Variants in ADAMTS3 observed in about 807,000 individuals in gnomAD.
ADAMTS3 encodes ADAM metallopeptidase with thrombospondin type 1 motif 3.
In ADAMTS3, 73 loss-of-function variants were observed where a neutral mutation model predicts 129.0. The observed-to-expected ratio is 0.57, with a 90% CI of 0.47 to 0.69. The LOEUF (loss-of-function observed/expected upper bound fraction) is 0.69. Ranked by LOEUF, ADAMTS3 falls within the 30% of genes least tolerant of loss-of-function variation. ADAMTS3 has a pLI of 0.00. For missense variants in ADAMTS3, 1,457 were observed against 1,514.5 expected, an observed-to-expected ratio of 0.96 and a Z score of 0.63; for synonymous variants, 477 against 510.8, an observed-to-expected ratio of 0.93 and a Z score of 0.89.
chr4:72,469,524 C>T (rs548892624), intron 3 of ADAMTS3, among the ~76,000 whole-genome samples: 2 of 152,214 alleles, frequency 1.3e-5, no homozygotes, highest in East Asian at 3.9e-4. Context: ...CTAATAAAAT[C>T]AGTGTCCTTT....
chr4:72,406,752 T>G (rs1410483554), intron 4 of ADAMTS3, among the ~76,000 whole-genome samples: 1 of 152,174 alleles, frequency 6.6e-6, no homozygotes, highest in Non-Finnish European at 1.5e-5. Context: ...GGGTTTTTAT[T>G]CCACAATAAG....
At chr4:72,561,333 T>G (rs962345791) in intron 2 of ADAMTS3, among the ~76,000 whole-genome samples, 1 of 150,626 alleles carries the variant, frequency 6.6e-6, no homozygotes, top group Non-Finnish European at 1.5e-5. Context: ...AGCAACAGAG[T>G]GAGACTCTGT....
Position 72,303,913 on chromosome 4 carries a change from A to T in ADAMTS3, c.2424+4T>A. 8.7e-6 allele frequency: 14 copies of T among 1,613,320 alleles called. No homozygotes were observed. Among genetic ancestry groups the T allele is most frequent in the Non-Finnish European group, 1.2e-5 (14 of 1,179,510 alleles). On this transcript the variant is annotated splice_donor_region_variant and intron_variant, in intron 17 of 21. Coordinates refer to ENST00000286657, the MANE Select transcript of ADAMTS3 (RefSeq NM_014243.3). ...CTATACCATGAGCCCATAATGCCAC[A>T]TACCAAAACAATAACAGGATCATGT...
chr4:72,544,823 A>G (rs1470052262), intron 3 of ADAMTS3, among the ~76,000 whole-genome samples: 1 of 152,162 alleles, frequency 6.6e-6, no homozygotes, highest in African/African-American at 2.4e-5. Flanking sequence ...AGTACTTCCC[A>G]TGCCTCTATT....
In ADAMTS3 at chr4:72,290,819, A is replaced by G. The variant is rs1446519037; in HGVS notation, c.2931+36T>C. 6 of 1,594,746 alleles carry G rather than the reference A, an allele frequency of 3.8e-6. No individual in the cohort carries two copies. The South Asian group carries it at 6.6e-5, about 18-fold the overall frequency. ...AATATCTACACATGCTTACACACAC[A>G]CTTTACTTATGCATGCACGGAATTC... On this transcript the variant is annotated intron_variant, in intron 20 of 21. Coordinates refer to ENST00000286657, the MANE Select transcript of ADAMTS3 (RefSeq NM_014243.3).
At chr4:72,561,466 C>T (rs779204058) in intron 2 of ADAMTS3, among the ~76,000 whole-genome samples, 3 of 151,962 alleles carry the variant, frequency 2.0e-5, no homozygotes, top group African/African-American at 7.3e-5. Flanking sequence ...GACTGCATCA[C>T]TGCACTCCAG....
intron 4 of ADAMTS3, among the ~76,000 whole-genome samples, chr4:72,366,454 G>T (rs1270448478): frequency 6.6e-6 from 1 of 152,144 alleles, no homozygotes; most frequent in Non-Finnish European, 1.5e-5. Context: ...TAGAATAAAA[G>T]AGCATATCCA....
At chr4:72,381,744 C>T (rs952632314) in intron 4 of ADAMTS3, among the ~76,000 whole-genome samples, 5 of 152,048 alleles carry the variant, frequency 3.3e-5, no homozygotes, top group African/African-American at 1.2e-4. Context: ...AAGGTGGCTG[C>T]ATTTAAGCAC....
chr4:72,299,915 G>A (rs920112557), intron 17 of ADAMTS3, among the ~76,000 whole-genome samples: 8 of 151,814 alleles, frequency 5.3e-5, no homozygotes, highest in Non-Finnish European at 7.4e-5. Flanking sequence ...TTTTGTTCAG[G>A]GCAAAGCTGC....
intron 3 of ADAMTS3, among the ~76,000 whole-genome samples, chr4:72,467,845 A>G (rs1231209739): frequency 1.3e-5 from 2 of 152,106 alleles, no homozygotes; most frequent in East Asian, 3.9e-4. Flanking sequence ...CCTTGAAGAC[A>G]GAACTACTCA....
chr4:72,459,282 C>T (rs535054100), intron 3 of ADAMTS3, among the ~76,000 whole-genome samples: 4 of 151,412 alleles, frequency 2.6e-5, no homozygotes, highest in Non-Finnish European at 4.4e-5. Flanking sequence ...AGATGGCTTT[C>T]CCAGCATAGA....
chr4:72,460,809 T>C (rs1398102355), intron 3 of ADAMTS3, among the ~76,000 whole-genome samples: 1 of 151,620 alleles, frequency 6.6e-6, no homozygotes, highest in Non-Finnish European at 1.5e-5. Context: ...GTGTCACCCA[T>C]TTTCAAATTA....
At chr4:72,480,601 C>T (rs1164445102) in intron 3 of ADAMTS3, among the ~76,000 whole-genome samples, 12 of 151,388 alleles carry the variant, frequency 7.9e-5, no homozygotes, top group African/African-American at 1.5e-4. Context: ...TGCTAAATGA[C>T]GAGTTAATGG....
intron 4 of ADAMTS3, among the ~76,000 whole-genome samples, chr4:72,357,495 T>A (rs1400277418): frequency 6.6e-6 from 1 of 151,880 alleles, no homozygotes; most frequent in African/African-American, 2.4e-5. Flanking sequence ...AGATATAATG[T>A]TAAGTAAGAG....
intron 3 of ADAMTS3, among the ~76,000 whole-genome samples, chr4:72,529,733 ATATT>A (rs1458004086): frequency 1.5e-3 from 147 of 96,164 alleles, no homozygotes; most frequent in Admixed American, 1.9e-3. Flanking sequence ...TAATTAATAT[ATATT>A]TATTTAATAT....
chr4:72,322,066 C>CT (rs1719569874), intron 6 of ADAMTS3, among the ~76,000 whole-genome samples: 1 of 152,134 alleles, frequency 6.6e-6, no homozygotes, highest in Non-Finnish European at 1.5e-5. Flanking sequence ...TGTTTACATT[C>CT]TTAATAAAAT....
intron 4 of ADAMTS3, among the ~76,000 whole-genome samples, chr4:72,376,095 G>A (rs559645557): frequency 2.0e-5 from 3 of 152,296 alleles, no homozygotes; most frequent in East Asian, 1.9e-4. Flanking sequence ...TCAAATACAC[G>A]TGCAGATTAT....
chr4:72,567,329 T>G (rs1450083477), intron 2 of ADAMTS3, 45 bp downstream of exon 2: 1 of 1,595,846 alleles, frequency 6.3e-7, no homozygotes, highest in African/African-American at 1.3e-5. Flanking sequence ...TTCATTCCCT[T>G]ACTTTCAACT....
chr4:72,545,024 G>T (rs1178185849), intron 3 of ADAMTS3, among the ~76,000 whole-genome samples: 2 of 151,438 alleles, frequency 1.3e-5, no homozygotes, highest in African/African-American at 4.9e-5. Flanking sequence ...AAACATGAAT[G>T]GTTTAATTTA....
Sources: allele counts gnomAD v4.1 joint callset (sites outside exome capture counted in the v4.1 genomes callset), GRCh38; gene constraint gnomAD v4.1.1; transcripts MANE v1.5; gene names NCBI Gene and HGNC (gene_info 2026-07-23, HGNC 2026-07-21).